CELSR1: variants seen among roughly 807,000 people sequenced by gnomAD.
CELSR1 encodes the protein cadherin EGF LAG seven-pass G-type receptor 1.
Under a neutral mutation model 249.1 loss-of-function variants are expected in CELSR1, and 110 were observed. The observed-to-expected ratio is 0.44, with a 90% CI of 0.38 to 0.52. The LOEUF (loss-of-function observed/expected upper bound fraction) is 0.52, where lower values mean the gene tolerates loss of function less well. Among genes scored for constraint, CELSR1 ranks in the 20% least tolerant of loss-of-function variants. The probability of loss-of-function intolerance (pLI) is 0.00; values close to 1 mark genes in which losing one functional copy is unlikely to be tolerated. For missense variants in CELSR1, 4,109 were observed against 4,296.4 expected (o/e 0.96, Z 1.22); for synonymous variants, 2,113 against 1,900.0 (o/e 1.11, Z -2.92).
At chr22:46,485,251 G>A (rs999118809) in intron 1 of CELSR1, among the ~76,000 whole-genome samples, 6 of 152,038 alleles carry the variant, frequency 3.9e-5, no homozygotes, top group Non-Finnish European at 7.4e-5. Flanking sequence ...GGTGAGATTC[G>A]TTTCCAGTAT....
In CELSR1 at chr22:46,366,590, G is replaced by T. The variant is rs576937168; in HGVS notation, c.8206-110C>A. 7.7e-4 allele frequency: 679 copies of T among 882,860 alleles called. 3 individuals carry two copies. The African/African-American group carries it at 0.01, about 13-fold the overall frequency. 54.7% of individuals were successfully genotyped at this position (882,860 alleles called of 1,614,324 possible). On this transcript the variant is annotated intron_variant, in intron 29 of 34. Coordinates refer to ENST00000674500, the MANE Select transcript of CELSR1 (RefSeq NM_001378328.1). ...CCCCCCACACCCACACCCTGGCTGG[G>T]CCCCTGCCTGGCACACAGGAGGAGC...
At chr22:46,403,690 A>G (rs1457966388) in intron 9 of CELSR1, among the ~76,000 whole-genome samples, 2 of 152,172 alleles carry the variant, frequency 1.3e-5, no homozygotes, top group African/African-American at 2.4e-5. Context: ...AACTGGCTAG[A>G]GGCCAGGCAC....
At chr22:46,422,722 A>G (rs1027911556) in intron 5 of CELSR1, among the ~76,000 whole-genome samples, 4 of 149,850 alleles carry the variant, frequency 2.7e-5, no homozygotes, top group African/African-American at 7.5e-5. Flanking sequence ...AGCTGAGATC[A>G]CGCCACTGCA....
chr22:46,368,804 C>T (rs184666779), intron 27 of CELSR1, among the ~76,000 whole-genome samples: 1 of 152,052 alleles, frequency 6.6e-6, no homozygotes, highest in Non-Finnish European at 1.5e-5. Context: ...GGTCTCCTCC[C>T]CTCCAGTGGC....
intron 18 of CELSR1, among the ~76,000 whole-genome samples, 174 bp from the exon 19 acceptor site, chr22:46,386,759 G>GT (rs903007996): frequency 1.3e-5 from 2 of 150,242 alleles, no homozygotes; most frequent in Non-Finnish European, 2.9e-5. Context: ...GTTGTTTTTT[G>GT]TGTTTTTTTT....
intron 24 of CELSR1, among the ~76,000 whole-genome samples, chr22:46,376,521 C>A (rs1041725037): frequency 1.1e-4 from 17 of 152,114 alleles, no homozygotes; most frequent in African/African-American, 4.1e-4. Context: ...ATTACAGGTG[C>A]CCGGCACCAC....
chr22:46,378,242 C>G (rs528782696), intron 23 of CELSR1, among the ~76,000 whole-genome samples: 1 of 152,152 alleles, frequency 6.6e-6, no homozygotes, highest in African/African-American at 2.4e-5. Flanking sequence ...GTCCAACAGA[C>G]CCGCACTGAA....
chr22:46,453,155 T>C lies in CELSR1; in HGVS notation c.4183+10552A>G, dbSNP rs145884461. On this transcript the variant is annotated intron_variant, in intron 2 of 34. Transcript: ENST00000674500. ...GGTCTGGCCATGCTCCTGCTAGACA[T>C]GGAAAGACGACCGAGGAAGGTGAGC... 5.0e-3 allele frequency among the ~76,000 whole-genome samples: 768 copies of C among 152,166 alleles called. 5 individuals carry two copies. The highest frequency in any genetic ancestry group is 0.017 in the Middle Eastern group (5 of 294).
At chr22:46,372,166 C>G (rs1366039491) in intron 25 of CELSR1, among the ~76,000 whole-genome samples, 1 of 150,838 alleles carries the variant, frequency 6.6e-6, no homozygotes, top group Non-Finnish European at 1.5e-5. Context: ...TCTACCCACT[C>G]ACTCACCCCT....
intron 1 of CELSR1, among the ~76,000 whole-genome samples, chr22:46,497,009 T>C (rs993359940): frequency 2.0e-5 from 3 of 152,252 alleles, no homozygotes; most frequent in Non-Finnish European, 4.4e-5. Flanking sequence ...GCTAGAATTT[T>C]ACACGACTGG....
At chr22:46,365,751 G>A in intron 30 of CELSR1, 62 bp from the exon 31 acceptor site, 1 of 1,332,384 alleles carries the variant, frequency 7.5e-7, no homozygotes, top group Non-Finnish European at 1.0e-6. Flanking sequence ...GTGCTGGAAA[G>A]TTCTCTGGAA....
Position 46,536,076 on chromosome 22 carries a change from G to C in CELSR1, c.1095C>G (p.Asn365Lys). The part of the protein sequence containing the change: ...QSEYRERVRE[N>K]LEVGYEVLTI... Reference sequence around the variant, plus strand: ...TCAGCACCTCGTAGCCCACCTCCAGGTTCTCCCGCACGCGCTCGCGGTACT... The same window carrying C: ...TCAGCACCTCGTAGCCCACCTCCAGCTTCTCCCGCACGCGCTCGCGGTACT... Residue 365 changes from asparagine to lysine, a missense_variant, in exon 1 of 35, where the codon AAC becomes AAG. Transcript: ENST00000674500. 1 of 1,611,528 alleles carries C rather than the reference G, an allele frequency of 6.2e-7. No individual in the cohort carries two copies. The highest frequency in any genetic ancestry group is 8.5e-7 in the Non-Finnish European group (1 of 1,179,962).
intron 20 of CELSR1, among the ~76,000 whole-genome samples, chr22:46,383,566 G>T (rs1043924694): frequency 2.0e-5 from 3 of 152,180 alleles, no homozygotes; most frequent in Admixed American, 2.0e-4. Context: ...TTGCTCTGCT[G>T]CCCAGGCTGG....
chr22:46,390,476 G>A lies in CELSR1; in HGVS notation c.6261C>T (p.Val2087=), dbSNP rs745779626. The A allele has an allele frequency of 6.2e-7, 1 of 1,613,578 alleles. No individual in the cohort carries two copies. The highest frequency in any genetic ancestry group is 1.1e-5 in the South Asian group (1 of 90,926). ...AGCCCTTCTCCCCGCTGCAGTGTCG[G>A]ACCGCATTTCCTGGGGAAGGAGAGC... ...PCPKGSVGNA[V]RHCSGEKGWL... is the part of the protein sequence containing the mutation. Residue 2087 remains valine, a synonymous_variant, in exon 17 of 35, where the codon GTC becomes GTT. Coordinates refer to ENST00000674500, the MANE Select transcript of CELSR1 (RefSeq NM_001378328.1). The surrounding 1 kb of genome is among the most constrained non-coding windows in gnomAD (Gnocchi z 6.3).
chr22:46,489,154 TGG>T (rs1230400783), intron 1 of CELSR1, among the ~76,000 whole-genome samples: 2 of 151,954 alleles, frequency 1.3e-5, no homozygotes, highest in South Asian at 4.2e-4. Context: ...GAACCCGGCT[TGG>T]GGATGGCGAA....
chr22:46,534,740 G>A lies in CELSR1; in HGVS notation c.2431C>T (p.Leu811Phe), dbSNP rs773585344. 1.2e-6 allele frequency: 2 copies of A among 1,613,044 alleles called. No homozygotes were observed. Among genetic ancestry groups the A allele is most frequent in the Non-Finnish European group, 1.7e-6 (2 of 1,180,048 alleles). The change falls in exon 1 of 35, where the codon CTC (leucine) becomes TTC (phenylalanine). Residue 811 changes from leucine to phenylalanine, a missense_variant. This residue lies in a region of CELSR1 where 886 missense variants were observed against 896.5 expected (regional missense o/e 0.99). Transcript: ENST00000674500. This position sits in a 1 kb window ranked among gnomAD's most constrained non-coding sequence, Gnocchi z 9.7. ...DRPVGTSIATLSANDEDTGEN... is the reference protein window; with the variant it reads ...DRPVGTSIATFSANDEDTGEN... Reference sequence around the variant, plus strand: ...CCTGTGTCCTCATCGTTGGCACTGAGGGTAGCAATGGAGGTGCCCACAGGC... The same window carrying A: ...CCTGTGTCCTCATCGTTGGCACTGAAGGTAGCAATGGAGGTGCCCACAGGC...
At position 46,433,720 on chromosome 22, in the gene CELSR1, T is replaced by C. The variant is rs904849765; in HGVS notation, c.4523-239A>G. On this transcript the variant is annotated intron_variant, in intron 4 of 34. Transcript: ENST00000674500. The surrounding 1 kb of genome is among the most constrained non-coding windows in gnomAD (Gnocchi z 5.7). ...TTTGTTTTGAGATGGAGTCTTGCTC[T>C]GTCGCCCAGGCTGGAGTGCAGTGGC... is the stretch of plus-strand genomic sequence containing the variant. Among the ~76,000 whole-genome samples, 3 of 152,228 alleles carry C rather than the reference T, an allele frequency of 2.0e-5. No individual in the cohort carries two copies. Among genetic ancestry groups the C allele is most frequent in the Non-Finnish European group, 4.4e-5 (3 of 68,036 alleles).
At chr22:46,478,520 A>G (rs943287859) in intron 1 of CELSR1, among the ~76,000 whole-genome samples, 1 of 151,942 alleles carries the variant, frequency 6.6e-6, no homozygotes, top group Admixed American at 6.6e-5. Flanking sequence ...CCAGCCCAAG[A>G]GAGCTGTGGA....
At position 46,397,718 on chromosome 22, in the gene CELSR1, C is replaced by A. The variant is rs748366066; in HGVS notation, c.5657G>T (p.Arg1886Leu). 2 of 1,580,314 alleles carry A rather than the reference C, an allele frequency of 1.3e-6. No individual in the cohort carries two copies. Among genetic ancestry groups the A allele is most frequent in the East Asian group, 2.3e-5 (1 of 42,862 alleles). The change falls in exon 12 of 35, where the codon CGC becomes CTC. Residue 1886 changes from arginine to leucine, a missense_variant. Physicochemically the swap from Arg to Leu is moderately radical, Grantham distance 102. Transcript: ENST00000674500. ...CTSSPCPPNS[R>L]CHDAWEDYSC... is the part of the protein sequence containing the mutation. ...GTAGTCCTCCCAGGCGTCGTGGCAG[C>A]GGCTATTGGGGGGACAGGGGCTCGA...
Sources: gnomAD v4.1 joint callset for allele counts (sites outside exome capture counted in the v4.1 genomes callset) on GRCh38, gnomAD v4.1.1 for gene constraint, gnomAD v4.1.1 regional missense constraint, Gnocchi (gnomAD v3.1) non-coding constraint, MANE v1.5 for transcripts, NCBI Gene and HGNC (gene_info 2026-07-23, HGNC 2026-07-21) for gene names.